WDR86: variants seen among roughly 807,000 people sequenced by gnomAD.
WDR86 encodes the protein WD repeat domain 86.
Under a neutral mutation model 36.5 loss-of-function variants are expected in WDR86, and 30 were observed. The observed-to-expected ratio is 0.82, with a 90% CI of 0.61 to 1.11. WDR86 has a LOEUF of 1.11. WDR86 is among the 50% of genes most tolerant of loss of function. The pLI, the probability that WDR86 is intolerant of heterozygous loss-of-function variation, is 0.00. For synonymous variants in WDR86, 255 were observed against 252.9 expected, an observed-to-expected ratio of 1.01 and a Z score of -0.08; for missense variants, 545 against 561.2, an observed-to-expected ratio of 0.97 and a Z score of 0.29.
chr7:151,397,601 G>A (rs889067918), intron 2 of WDR86, among the ~76,000 whole-genome samples: 1 of 114,132 alleles, frequency 8.8e-6, no homozygotes, highest in African/African-American at 3.1e-5. Context: ...TGATGCTGCT[G>A]CTGCAAAGTG....
intron 2 of WDR86, 36 bp from the exon 3 acceptor site, chr7:151,396,232 G>T (rs201377134): frequency 6.2e-7 from 1 of 1,611,024 alleles, no homozygotes; most frequent in East Asian, 2.2e-5. Flanking sequence ...GGATCAGAAG[G>T]CACGGGTTCC....
In WDR86 at chr7:151,385,207, A is replaced by G. The variant is rs1438281258; in HGVS notation, c.743T>C (p.Val248Ala). Residue 248 changes from valine to alanine, a missense_variant, in exon 4 of 6, where the codon GTG becomes GCG. By Grantham distance (64) the Val-to-Ala change is moderately conservative. Coordinates refer to ENST00000334493, the MANE Select transcript of WDR86 (RefSeq NM_198285.3). ...GGTCCTGTCCGCGCTGCCAGAGTAC[A>G]CGAGTCGGTTCACCAGCTGCGAGGA... is the stretch of plus-strand genomic sequence containing the variant. ...VICLELVNRL[V>A]YSGSADRTVK... 6.2e-7 allele frequency: 1 copy of G among 1,612,244 alleles called. No individual in the cohort carries two copies. The highest frequency in any genetic ancestry group is 8.5e-7 in the Non-Finnish European group (1 of 1,179,886).
At chr7:151,380,590 G>A (rs946429766), downstream of WDR86, among the ~76,000 whole-genome samples, 11 of 152,094 alleles carry the variant, frequency 7.2e-5, no homozygotes, top group Non-Finnish European at 5.9e-5. Flanking sequence ...AGAGCACCCC[G>A]CTCAGGTGCT....
chr7:151,385,191 C>A lies in WDR86; in HGVS notation c.759G>T (p.Ala253=), dbSNP rs113224092. The A allele has an allele frequency of 1.2e-6, 2 of 1,612,880 alleles. No homozygotes were observed. The highest frequency in any genetic ancestry group is 3.3e-5 in the Admixed American group (2 of 60,030). The change falls in exon 4 of 6, where the codon GCG becomes GCT. Residue 253 remains alanine (A), a synonymous_variant. Coordinates refer to ENST00000334493, the MANE Select transcript of WDR86 (RefSeq NM_198285.3). ...LVNRLVYSGS[A]DRTVKCWLAD... ...CCAGCCAGCACTTGACGGTCCTGTC[C>A]GCGCTGCCAGAGTACACGAGTCGGT...
At position 151,405,887 on chromosome 7, in the gene WDR86, C is replaced by A. The variant is rs550066075; in HGVS notation, c.163+3540G>T. Among the ~76,000 whole-genome samples the A allele has an allele frequency of 2.6e-5, 4 of 152,332 alleles. No individual in the cohort carries two copies. In the South Asian group the frequency reaches 8.3e-4, roughly 32 times the overall value. On this transcript the variant is annotated intron_variant, in intron 1 of 5. Transcript: ENST00000334493. The surrounding 1 kb of genome is among the most constrained non-coding windows in gnomAD (Gnocchi z 4.7). Reference sequence around the variant, plus strand: ...TTAGAAGACGAGGAAGCGTGTGGGACAGCCACAGTGGGCTGCCACCTTCAG... The same window carrying A: ...TTAGAAGACGAGGAAGCGTGTGGGAAAGCCACAGTGGGCTGCCACCTTCAG...
chr7:151,375,839 G>A, downstream of WDR86: 2 of 1,579,066 alleles, frequency 1.3e-6, no homozygotes, highest in South Asian at 1.1e-5. Flanking sequence ...GTGTTCCTGT[G>A]TGTTTTAGAT....
chr7:151,383,458 A>G (rs1798753066), intron 4 of WDR86, among the ~76,000 whole-genome samples: 1 of 143,142 alleles, frequency 7.0e-6, no homozygotes, highest in Non-Finnish European at 1.5e-5. Context: ...TGGGCCACAG[A>G]GCAAGACTCC....
In WDR86 at chr7:151,381,824, C is replaced by A. The variant is rs1798602077; in HGVS notation, c.966+54G>T. The A allele has an allele frequency of 1.3e-6, 2 of 1,543,588 alleles. No homozygotes were observed. Among genetic ancestry groups the A allele is most frequent in the Non-Finnish European group, 1.8e-6 (2 of 1,142,120 alleles). ...CGCTGCCCGCGTGGATGGATCGGGG[C>A]GGGGCACCTTCCCTCCCACGGGCGG... is the stretch of plus-strand genomic sequence containing the variant. On this transcript the variant is annotated intron_variant, in intron 5 of 5. Coordinates refer to ENST00000334493, the MANE Select transcript of WDR86 (RefSeq NM_198285.3). The surrounding 1 kb of genome is among the most constrained non-coding windows in gnomAD (Gnocchi z 4.8).
In WDR86 at chr7:151,408,697, G is replaced by A. The variant is rs1423100245; in HGVS notation, c.163+730C>T. On this transcript the variant is annotated intron_variant, in intron 1 of 5. Transcript: ENST00000334493. ...ACGTGTGCTACCTGGGCAGTAGGAG[G>A]GCCAGAGCTGAAAGGGACCTCACAG... The A allele has an allele frequency of 1.5e-5, 5 of 343,632 alleles. No homozygotes were observed. The East Asian group carries it at 3.8e-4, about 26-fold the overall frequency. The allele number at this position is 343,632 out of a possible 1,614,324, so 21.3% of individuals were successfully genotyped here.
downstream of WDR86, chr7:151,377,149 T>C: frequency 6.3e-7 from 1 of 1,590,142 alleles, no homozygotes; most frequent in Non-Finnish European, 8.6e-7. Context: ...GACTCAACTC[T>C]GGAAGATGAA....
intron 1 of WDR86, among the ~76,000 whole-genome samples, chr7:151,402,091 A>ATATATATATATATATATATCTC (rs1365492180): frequency 1.4e-4 from 17 of 124,172 alleles, no homozygotes; most frequent in African/African-American, 5.2e-4. Flanking sequence ...ATATATATAT[A>ATATATATATATATATATATCTC]TCTCCACAAA....
chr7:151,383,011 G>T (rs1798714067), intron 4 of WDR86, among the ~76,000 whole-genome samples: 3 of 150,934 alleles, frequency 2.0e-5, no homozygotes, highest in South Asian at 4.2e-4. Flanking sequence ...GGGAGACAGG[G>T]TCTCACTCTG....
Position 151,385,074 on chromosome 7 carries a change from G to A in WDR86, c.862+14C>T. Reference sequence around the variant, plus strand: ...GCTGGGGTGGCACAGGTCGTGCAGGGCCAAGTCACTTACAGGTGCCCGCGT... The same window carrying A: ...GCTGGGGTGGCACAGGTCGTGCAGGACCAAGTCACTTACAGGTGCCCGCGT... On this transcript the variant is annotated intron_variant, in intron 4 of 5. Transcript: ENST00000334493. 22 of 1,585,546 alleles carry A rather than the reference G, an allele frequency of 1.4e-5. No individual in the cohort carries two copies. Among genetic ancestry groups the A allele is most frequent in the Non-Finnish European group, 1.9e-5 (22 of 1,162,588 alleles).
intron 3 of WDR86, among the ~76,000 whole-genome samples, chr7:151,392,315 C>G (rs1335079153): frequency 2.6e-5 from 4 of 152,062 alleles, no homozygotes; most frequent in Non-Finnish European, 5.9e-5. Context: ...GCACCCCCAG[C>G]CTCTCAGACA....
the WDR86 span, among the ~76,000 whole-genome samples, chr7:151,370,281 G>T: frequency 6.6e-6 from 1 of 152,000 alleles, no homozygotes. Flanking sequence ...TAGAGATGGG[G>T]TTTTACCAAT....
At position 151,388,793 on chromosome 7, in the gene WDR86, G is replaced by A. The variant is rs1180744066; in HGVS notation, c.727-3570C>T. Among the ~76,000 whole-genome samples the A allele has an allele frequency of 1.3e-5, 2 of 152,188 alleles. No homozygotes were observed. The highest frequency in any genetic ancestry group is 1.3e-4 in the Admixed American group (2 of 15,278). ...TCCCCAGGCTGACGGTCGGAGGCGG[G>A]GTATATGAAGCTATGGTCTGAGTGT... is the stretch of plus-strand genomic sequence containing the variant. On this transcript the variant is annotated intron_variant, in intron 3 of 5. Coordinates refer to ENST00000334493, the MANE Select transcript of WDR86 (RefSeq NM_198285.3). This position sits in a 1 kb window ranked among gnomAD's most constrained non-coding sequence, Gnocchi z 4.2.
chr7:151,394,820 C>T (rs1212341812), intron 3 of WDR86, among the ~76,000 whole-genome samples: 1 of 152,254 alleles, frequency 6.6e-6, no homozygotes, highest in Admixed American at 6.5e-5. Flanking sequence ...TACAGACACA[C>T]TCCTGCATCT....
rs1351518745 is a variant in WDR86, at chr7:151,401,755, TA to T, written c.164-1515del. ...CCTAGATTATCCGGGGGGTCCTAAA[TA>T]CAACCGCAAGTGGCCAGGCGCGGTG... On this transcript the variant is annotated intron_variant, in intron 1 of 5. Transcript: ENST00000334493. This position sits in a 1 kb window ranked among gnomAD's most constrained non-coding sequence, Gnocchi z 4.3. Among the ~76,000 whole-genome samples, 2 of 151,748 alleles carry T rather than the reference TA, an allele frequency of 1.3e-5. No individual in the cohort carries two copies. The highest frequency in any genetic ancestry group is 2.4e-5 in the African/African-American group (1 of 41,306).
downstream of WDR86, chr7:151,375,720 A>T (rs1798185032): frequency 6.1e-6 from 4 of 651,534 alleles, no homozygotes; most frequent in African/African-American, 5.4e-5. Flanking sequence ...CCTGAGTGGG[A>T]GCCCCTTTCT....
Sources: gnomAD v4.1 joint callset for allele counts (sites outside exome capture counted in the v4.1 genomes callset) on GRCh38, gnomAD v4.1.1 for gene constraint, Gnocchi (gnomAD v3.1) non-coding constraint, MANE v1.5 for transcripts, NCBI Gene and HGNC (gene_info 2026-07-23, HGNC 2026-07-21) for gene names.